GNG7: variants seen among roughly 807,000 people sequenced by gnomAD.
GNG7 encodes G protein subunit gamma 7, also known as guanine nucleotide-binding protein G(I)/G(S)/G(O) subunit gamma-7.
In GNG7, 1 loss-of-function variant was observed where a neutral mutation model predicts 4.0. The observed-to-expected ratio is 0.25, with a 90% CI of 0.09 to 1.18. GNG7 has a LOEUF of 1.18. Ranked by LOEUF, GNG7 falls within the 50% of genes most tolerant of loss-of-function variation. GNG7 has a pLI of 0.50. For missense variants in GNG7, 86 were observed against 91.9 expected (o/e 0.94, Z 0.26); for synonymous variants, 34 against 36.9 (o/e 0.92, Z 0.29).
chr19:2,538,274 T>C (rs895475020), intron 3 of GNG7: 13 of 456,444 alleles, frequency 2.8e-5, no homozygotes, highest in African/African-American at 2.6e-4. Context: ...CTGCTGAGAA[T>C]GAAACCGACC....
intron 3 of GNG7, among the ~76,000 whole-genome samples, chr19:2,553,471 T>G (rs1471605299): frequency 1.4e-5 from 2 of 147,176 alleles, no homozygotes; most frequent in Non-Finnish European, 3.0e-5. Context: ...ATGTTATATA[T>G]TATATACTAT....
At chr19:2,608,262 G>A (rs1168481246) in intron 2 of GNG7, among the ~76,000 whole-genome samples, 1 of 151,826 alleles carries the variant, frequency 6.6e-6, no homozygotes, top group Non-Finnish European at 1.5e-5. Flanking sequence ...AGACCGAAAC[G>A]CAAGAGTAAT....
intron 3 of GNG7, among the ~76,000 whole-genome samples, chr19:2,543,840 G>T (rs60154733): frequency 0.03 from 4,544 of 152,222 alleles, 78 homozygotes; most frequent in South Asian, 0.044. Context: ...GGGGAAGGTG[G>T]CCTTGAAGGC....
rs537473287 is a variant in GNG7 at position 2,682,006 on chromosome 19, T to C, written c.-135+20640A>G. ...CTCACTGCAACCTCCGCCTCCCAGG[T>C]TCAAGGGATTCTCCTGCCTCAGCCT... On this transcript the variant is annotated intron_variant, in intron 1 of 4. Coordinates refer to ENST00000382159, the MANE Select transcript of GNG7 (RefSeq NM_052847.3). Among the ~76,000 whole-genome samples, 176 of 152,164 alleles carry C rather than the reference T, an allele frequency of 1.2e-3. 1 individual carries two copies. The highest frequency in any genetic ancestry group is 6.8e-3 in the Middle Eastern group (2 of 294).
At chr19:2,622,675 G>A (rs1424058148) in intron 2 of GNG7, among the ~76,000 whole-genome samples, 1 of 143,634 alleles carries the variant, frequency 7.0e-6, no homozygotes, top group East Asian at 2.0e-4. Flanking sequence ...CGAGCAACGC[G>A]GCAGATAGGG....
chr19:2,623,332 A>G (rs1483974654), intron 2 of GNG7, among the ~76,000 whole-genome samples: 1 of 151,816 alleles, frequency 6.6e-6, no homozygotes, highest in Non-Finnish European at 1.5e-5. Context: ...GAAAACAAAT[A>G]AACAAGGTGT....
At position 2,512,740 on chromosome 19, in the gene GNG7, G is replaced by A. The variant is rs977546776; in HGVS notation, c.*2282C>T. The A allele has an allele frequency of 3.8e-6, 1 of 265,170 alleles. No homozygotes were observed. The highest frequency in any genetic ancestry group is 5.8e-6 in the Non-Finnish European group (1 of 171,420). 16.4% of individuals were successfully genotyped at this position (265,170 alleles called of 1,614,324 possible). On this transcript the variant is annotated 3_prime_UTR_variant, in exon 5 of 5. Coordinates refer to ENST00000382159, the MANE Select transcript of GNG7 (RefSeq NM_052847.3). This position sits in a 1 kb window ranked among gnomAD's most constrained non-coding sequence, Gnocchi z 4.7. The stretch of plus-strand genomic sequence containing the variant: ...TGGCAGCGGGGGCTCGGGGATTAAG[G>A]CCTCTTTTAAGGAAAAACGGGGTGG...
intron 2 of GNG7, among the ~76,000 whole-genome samples, chr19:2,645,925 C>G (rs780186191): frequency 6.6e-6 from 1 of 152,124 alleles, no homozygotes; most frequent in Admixed American, 6.5e-5. Flanking sequence ...ACGAAGACAC[C>G]GGAAAGGCAT....
chr19:2,615,576 C>T (rs1211557888), intron 2 of GNG7, among the ~76,000 whole-genome samples: 3 of 151,314 alleles, frequency 2.0e-5, no homozygotes, highest in Non-Finnish European at 4.4e-5. Flanking sequence ...GATCCTCCTG[C>T]CTCAGCCTCC....
intron 2 of GNG7, among the ~76,000 whole-genome samples, chr19:2,566,030 C>T (rs890629833): frequency 2.0e-5 from 3 of 151,864 alleles, no homozygotes; most frequent in Admixed American, 1.3e-4. Flanking sequence ...TGGTGGTGGG[C>T]ACCTGTAATC....
rs1403386372 is a variant in GNG7, at chr19:2,614,053, C to G, written c.-78+32171G>C. ...GGAACTCGGGCCCCGCGCCTACCCC[C>G]GGGGTAAAGGGGGCCAGCCTCGCAC... On this transcript the variant is annotated intron_variant, in intron 2 of 4. Coordinates refer to ENST00000382159, the MANE Select transcript of GNG7 (RefSeq NM_052847.3). This position sits in a 1 kb window ranked among gnomAD's most constrained non-coding sequence, Gnocchi z 6.0. 6.6e-6 allele frequency among the ~76,000 whole-genome samples: 1 copy of G among 152,236 alleles called. No individual in the cohort carries two copies. Among genetic ancestry groups the G allele is most frequent in the Non-Finnish European group, 1.5e-5 (1 of 68,032 alleles).
intron 1 of GNG7, among the ~76,000 whole-genome samples, chr19:2,651,116 G>C (rs1982800132): frequency 6.6e-6 from 1 of 152,296 alleles, no homozygotes; most frequent in South Asian, 2.1e-4. Context: ...GGGACACAGA[G>C]GCCATGGACA....
intron 1 of GNG7, among the ~76,000 whole-genome samples, chr19:2,647,308 T>C (rs1186203761): frequency 6.6e-6 from 1 of 152,160 alleles, no homozygotes; most frequent in East Asian, 1.9e-4. Flanking sequence ...TTTGGGCTGT[T>C]GTCCCAGCTC....
At chr19:2,668,381 G>A (rs1015998551) in intron 1 of GNG7, among the ~76,000 whole-genome samples, 2 of 152,114 alleles carry the variant, frequency 1.3e-5, no homozygotes, top group Non-Finnish European at 2.9e-5. Context: ...CGCTAAAAAC[G>A]GGATATGCAA....
intron 3 of GNG7, among the ~76,000 whole-genome samples, chr19:2,553,614 T>C (rs1047498747): frequency 1.9e-5 from 2 of 106,076 alleles, no homozygotes; most frequent in African/African-American, 6.8e-5. Context: ...TATATCATAC[T>C]ACATACATGC....
chr19:2,564,466 C>T (rs561112835), intron 2 of GNG7, among the ~76,000 whole-genome samples: 3 of 152,056 alleles, frequency 2.0e-5, no homozygotes, highest in South Asian at 2.1e-4. Flanking sequence ...CTGTACCACT[C>T]GGGAGGCGGA....
chr19:2,588,555 C>T (rs540167095), intron 2 of GNG7, among the ~76,000 whole-genome samples: 4 of 152,212 alleles, frequency 2.6e-5, no homozygotes, highest in Non-Finnish European at 5.9e-5. Flanking sequence ...CAGCTGGACG[C>T]GGGCCCCGTG....
intron 1 of GNG7, among the ~76,000 whole-genome samples, chr19:2,655,772 G>A (rs1248399727): frequency 6.7e-6 from 1 of 150,148 alleles, no homozygotes; most frequent in Non-Finnish European, 1.5e-5. Flanking sequence ...CCGGGAGGTG[G>A]AGCTTGCAGT....
At chr19:2,540,970 G>C (rs761796068) in intron 3 of GNG7, among the ~76,000 whole-genome samples, 1 of 152,382 alleles carries the variant, frequency 6.6e-6, no homozygotes. Flanking sequence ...AGCAGGGAGA[G>C]AGCATGCAGC....
Sources: gnomAD v4.1 joint callset for allele counts (sites outside exome capture counted in the v4.1 genomes callset) on GRCh38, gnomAD v4.1.1 for gene constraint, Gnocchi (gnomAD v3.1) non-coding constraint, MANE v1.5 for transcripts, NCBI Gene and HGNC (gene_info 2026-07-23, HGNC 2026-07-21) for gene names.